The following CFH variants were observed in gnomAD, a reference collection of about 807,000 sequenced individuals.
CFH encodes H factor 1 (complement).
A neutral mutation model predicts 147.3 loss-of-function variants in CFH; 53 were observed. The ratio of observed to expected loss-of-function variants is 0.36; its 90% confidence interval spans 0.29 to 0.45. The LOEUF is 0.45. Among genes scored for constraint, CFH ranks in the 20% least tolerant of loss-of-function variants. CFH has a pLI of 1.00. For missense variants in CFH, 1,380 were observed against 1,498.0 expected, an observed-to-expected ratio of 0.92 and a Z score of 1.30; for synonymous variants, 536 against 489.4, an observed-to-expected ratio of 1.10 and a Z score of -1.26.
chr1:196,705,200 AT>A (rs59788901), intron 9 of CFH, among the ~76,000 whole-genome samples: 187 of 149,970 alleles, frequency 1.2e-3, no homozygotes, highest in African/African-American at 4.0e-3. Context: ...CTGGCTTTAC[AT>A]TTTTTTTTTG....
intron 1 of CFH, among the ~76,000 whole-genome samples, chr1:196,652,385 A>T (rs939944761): frequency 6.6e-6 from 1 of 152,058 alleles, no homozygotes; most frequent in South Asian, 2.1e-4. Flanking sequence ...ATTATATTTA[A>T]TATAAAATAG....
chr1:196,654,112 A>T (rs1019015924), intron 1 of CFH, among the ~76,000 whole-genome samples: 1 of 152,096 alleles, frequency 6.6e-6, no homozygotes, highest in African/African-American at 2.4e-5. Flanking sequence ...AAATACTCAC[A>T]TATATTTCAA....
rs1238368816 is a variant in CFH, at chr1:196,675,994, A to T, written c.356A>T (p.Gln119Leu). Residue 119 changes from glutamine to leucine, a missense_variant, in exon 4 of 22, where the codon CAA becomes CTA. Gln to Leu is a moderately radical substitution (Grantham distance 113). This residue lies in a region of CFH where 260 missense variants were observed against 263.3 expected (regional missense o/e 0.99). Transcript: ENST00000367429. ...KAVYTCNEGY[Q>L]LLGEINYREC... is the part of the protein sequence containing the mutation. ...TGTTATTTTTTGGTTTTCAGGTATC[A>T]ATTGCTAGGTGAGATTAATTACCGT... is the stretch of plus-strand genomic sequence containing the variant. The T allele has an allele frequency of 4.4e-6, 7 of 1,608,602 alleles. No individual in the cohort carries two copies.
chr1:196,689,977 A>T, intron 8 of CFH, 86 bp from the exon 9 acceptor site: 1 of 1,352,184 alleles, frequency 7.4e-7, no homozygotes. Flanking sequence ...TTATTTAAAT[A>T]TTGTAAAAAT....
chr1:196,726,047 G>A (rs957665749), intron 12 of CFH, among the ~76,000 whole-genome samples: 10 of 152,070 alleles, frequency 6.6e-5, no homozygotes, highest in Non-Finnish European at 1.0e-4. Flanking sequence ...AAGTTTCACC[G>A]GGTGTGTCTA....
Position 196,723,796 on chromosome 1 carries a change from C to A in CFH, c.1697-1325C>A, listed in dbSNP as rs550155206. On this transcript the variant is annotated intron_variant, in intron 11 of 21. Coordinates refer to ENST00000367429, the MANE Select transcript of CFH (RefSeq NM_000186.4). ...AGATACCCGTAGCTTGTCTTTCTTG[C>A]AAGCCTGGCTTCATTGGGCACATGA... Among the ~76,000 whole-genome samples the A allele has an allele frequency of 3.3e-5, 5 of 152,164 alleles. No homozygotes were observed. The South Asian group carries it at 1.0e-3, about 32-fold the overall frequency.
intron 1 of CFH, among the ~76,000 whole-genome samples, chr1:196,668,861 G>A (rs57855625): frequency 3.9e-5 from 6 of 152,260 alleles, no homozygotes; most frequent in Admixed American, 1.3e-4. Context: ...TGGTACCAAG[G>A]TAGTAGGGCA....
At chr1:196,716,570 GT>G (rs1391621924) in intron 11 of CFH, among the ~76,000 whole-genome samples, 1 of 152,128 alleles carries the variant, frequency 6.6e-6, no homozygotes, top group Non-Finnish European at 1.5e-5. Context: ...GACACCATGA[GT>G]CCAGGTAGGG....
At chr1:196,710,778 A>AG (rs2149100663) in intron 9 of CFH, among the ~76,000 whole-genome samples, 1 of 116,430 alleles carries the variant, frequency 8.6e-6, no homozygotes, top group South Asian at 3.2e-4. Context: ...GTCTTACCCT[A>AG]GTTTTTTTTA....
intron 7 of CFH, among the ~76,000 whole-genome samples, chr1:196,689,171 T>C (rs1199715837): frequency 1.3e-5 from 2 of 152,158 alleles, no homozygotes; most frequent in Non-Finnish European, 2.9e-5. Flanking sequence ...TTTTTCTTTC[T>C]GGAGAGCCTT....
chr1:196,713,877 A>G lies in CFH; in HGVS notation c.1479A>G (p.Thr493=), dbSNP rs1377517662. Residue 493 remains threonine (T), a synonymous_variant, in exon 10 of 22, where the codon ACA becomes ACG. Coordinates refer to ENST00000367429, the MANE Select transcript of CFH (RefSeq NM_000186.4). ...ATGGTGAAACATCAGGATCAATTAC[A>G]TGTGGGAAAGATGGATGGTCAGCTC... The part of the protein sequence containing the change: ...TADGETSGSI[T]CGKDGWSAQP... 6.2e-7 allele frequency: 1 copy of G among 1,612,804 alleles called. No individual in the cohort carries two copies. Among genetic ancestry groups the G allele is most frequent in the South Asian group, 1.1e-5 (1 of 91,066 alleles).
chr1:196,676,876 C>T (rs1667475178), intron 4 of CFH: 1 of 152,184 alleles, frequency 6.6e-6, no homozygotes, highest in Non-Finnish European at 1.5e-5. Context: ...AAAAAATGAC[C>T]TACTGAATCA....
intron 6 of CFH, among the ~76,000 whole-genome samples, chr1:196,684,628 G>A (rs577513407): frequency 5.9e-5 from 9 of 151,954 alleles, no homozygotes; most frequent in South Asian, 2.1e-4. Context: ...AGTCTCCTAC[G>A]CAATCACATG....
chr1:196,721,083 G>T (rs539635972), intron 11 of CFH, among the ~76,000 whole-genome samples: 1 of 151,456 alleles, frequency 6.6e-6, no homozygotes, highest in Admixed American at 6.6e-5. Context: ...CATATTTCTT[G>T]GTCATTTTCA....
intron 1 of CFH, among the ~76,000 whole-genome samples, chr1:196,659,716 A>T (rs1666839421): frequency 6.6e-6 from 1 of 152,170 alleles, no homozygotes; most frequent in Non-Finnish European, 1.5e-5. Context: ...GTAAACTGTC[A>T]TAGCACACTG....
chr1:196,719,721 AAG>A (rs1427954385), intron 11 of CFH, among the ~76,000 whole-genome samples: 4 of 151,628 alleles, frequency 2.6e-5, no homozygotes, highest in Non-Finnish European at 4.4e-5. Flanking sequence ...ATAAACATGT[AAG>A]AGATAATTTT....
chr1:196,699,309 T>C (rs1010822195), intron 9 of CFH, among the ~76,000 whole-genome samples: 4 of 152,140 alleles, frequency 2.6e-5, no homozygotes, highest in Non-Finnish European at 5.9e-5. Context: ...CTGCTTAGCA[T>C]CTTCTTTGTA....
At chr1:196,667,712 C>A (rs916068546) in intron 1 of CFH, among the ~76,000 whole-genome samples, 1 of 152,082 alleles carries the variant, frequency 6.6e-6, no homozygotes, top group East Asian at 1.9e-4. Context: ...CAGTTTAAGT[C>A]TAGCATATTG....
At chr1:196,740,988 A>G (rs1175836910) in intron 18 of CFH, 196 bp downstream of exon 18, 5 of 597,910 alleles carry the variant, frequency 8.4e-6, no homozygotes, top group East Asian at 6.0e-5. Context: ...TTTTCACATC[A>G]TCTTGTGTGA....
Sources: gnomAD v4.1 joint callset for allele counts (sites outside exome capture counted in the v4.1 genomes callset) on GRCh38, gnomAD v4.1.1 for gene constraint, gnomAD v4.1.1 regional missense constraint, MANE v1.5 for transcripts, NCBI Gene and HGNC (gene_info 2026-07-23, HGNC 2026-07-21) for gene names.